FBXO38: variants seen among roughly 807,000 people sequenced by gnomAD.
The protein encoded by FBXO38 is F-box only protein 38.
FBXO38 carries 53 observed loss-of-function variants against 131.9 expected under a neutral mutation model. The ratio of observed to expected loss-of-function variants is 0.40; its 90% confidence interval spans 0.32 to 0.51. The LOEUF (loss-of-function observed/expected upper bound fraction) is 0.51, where lower values mean the gene tolerates loss of function less well. FBXO38 is among the 20% of genes least tolerant of loss of function. FBXO38 has a pLI of 0.53. For synonymous variants in FBXO38, 452 were observed against 505.6 expected (o/e 0.89, Z 1.42); for missense variants, 1,076 against 1,475.6 (o/e 0.73, Z 4.44).
chr5:148,427,630 A>G lies in FBXO38; in HGVS notation c.2336A>G (p.His779Arg), dbSNP rs1394783707. The change falls in exon 15 of 22, where the codon CAC becomes CGC. Residue 779 changes from histidine to arginine, a missense_variant. By Grantham distance (29) the His-to-Arg change is conservative (BLOSUM62 0). Around this residue, in one of 8 missense-constraint regions of FBXO38, gnomAD observed 213 missense variants for 225.2 expected, o/e 0.95. Transcript: ENST00000340253. ...ESSVCPRCCCHRPQESQRRTS... is the reference protein window; with the variant it reads ...ESSVCPRCCCRRPQESQRRTS... ...TCTGTCTGCCCCAGATGCTGCTGTC[A>G]CAGGCCCCAGGAATCCCAAAGGAGA... 6.2e-7 allele frequency: 1 copy of G among 1,614,210 alleles called. No individual in the cohort carries two copies. Among genetic ancestry groups the G allele is most frequent in the East Asian group, 2.2e-5 (1 of 44,870 alleles).
chr5:148,437,039 A>G (rs1754383222), intron 17 of FBXO38, among the ~76,000 whole-genome samples: 1 of 152,240 alleles, frequency 6.6e-6, no homozygotes, highest in Non-Finnish European at 1.5e-5. Flanking sequence ...GCCAGTCGGC[A>G]TCTCGTTCCA....
chr5:148,440,046 A>T (rs1010337353), intron 19 of FBXO38, among the ~76,000 whole-genome samples: 4 of 152,194 alleles, frequency 2.6e-5, no homozygotes, highest in Non-Finnish European at 4.4e-5. Context: ...TTGTAACATT[A>T]TTTAGCCTTG....
chr5:148,390,987 CAT>C (rs1361906745), intron 1 of FBXO38, among the ~76,000 whole-genome samples: 1 of 152,202 alleles, frequency 6.6e-6, no homozygotes, highest in Admixed American at 6.5e-5. Flanking sequence ...TAAAGCTGAA[CAT>C]GTGCTAAAGT....
intron 14 of FBXO38, 46 bp from the exon 15 acceptor site, chr5:148,427,167 G>A: frequency 6.5e-7 from 1 of 1,533,828 alleles, no homozygotes. Context: ...AATTTATACT[G>A]AAATCTTTTC....
intron 2 of FBXO38, among the ~76,000 whole-genome samples, chr5:148,396,198 G>T (rs1007190254): frequency 6.6e-6 from 1 of 151,592 alleles, no homozygotes; most frequent in African/African-American, 2.4e-5. Flanking sequence ...TTTTTTTACA[G>T]AACAAAATGA....
chr5:148,410,380 C>T, intron 8 of FBXO38: 2 of 474,354 alleles, frequency 4.2e-6, no homozygotes, highest in South Asian at 2.7e-5. Flanking sequence ...CTTTTTTTGC[C>T]TGCTGCCATC....
intron 10 of FBXO38, among the ~76,000 whole-genome samples, chr5:148,414,874 G>T (rs1263399100): frequency 6.6e-6 from 1 of 152,046 alleles, no homozygotes; most frequent in East Asian, 1.9e-4. Flanking sequence ...TTTTCTTAAA[G>T]GCCCTTCTTA....
chr5:148,426,221 ACTT>A (rs1459566640), intron 14 of FBXO38, among the ~76,000 whole-genome samples: 1 of 152,204 alleles, frequency 6.6e-6, no homozygotes, highest in East Asian at 1.9e-4. Context: ...TGAAGTTCAT[ACTT>A]CTTCCTTGTC....
intron 10 of FBXO38, 109 bp from the exon 11 acceptor site, chr5:148,415,819 G>T: frequency 8.5e-7 from 1 of 1,177,030 alleles, no homozygotes; most frequent in Non-Finnish European, 1.2e-6. Context: ...AAAAGGAAAA[G>T]TTATTTTAAA....
At chr5:148,422,721 G>T (rs1753510240) in intron 12 of FBXO38, among the ~76,000 whole-genome samples, 1 of 152,160 alleles carries the variant, frequency 6.6e-6, no homozygotes, top group Non-Finnish European at 1.5e-5. Context: ...GGCTATTCTG[G>T]CAACCTAAAA....
rs1281251888 is a variant in FBXO38, at chr5:148,427,642, A to G, written c.2348A>G (p.Glu783Gly). 1.2e-6 allele frequency: 2 copies of G among 1,614,078 alleles called. No homozygotes were observed. Among genetic ancestry groups the G allele is most frequent in the Non-Finnish European group, 1.7e-6 (2 of 1,180,032 alleles). Residue 783 changes from glutamate (E) to glycine (G), a missense_variant, in exon 15 of 22, where the codon GAA becomes GGA. Coordinates refer to ENST00000340253, the MANE Select transcript of FBXO38 (RefSeq NM_205836.3). The part of the protein sequence containing the change: ...CPRCCCHRPQ[E>G]SQRRTSRCSD... ...AGATGCTGCTGTCACAGGCCCCAGG[A>G]ATCCCAAAGGAGAACTAGCAGGTGT...
chr5:148,393,188 G>GTGTGTGT (rs1554077288), intron 1 of FBXO38, among the ~76,000 whole-genome samples: 1 of 127,036 alleles, frequency 7.9e-6, no homozygotes, highest in African/African-American at 3.1e-5. Flanking sequence ...ACAGAAGAGG[G>GTGTGTGT]GTGTGTGTGT....
At chr5:148,420,991 G>C (rs1447312888) in intron 12 of FBXO38, among the ~76,000 whole-genome samples, 2 of 150,726 alleles carry the variant, frequency 1.3e-5, no homozygotes, top group African/African-American at 4.9e-5. Flanking sequence ...TCTTGAGACA[G>C]AGTCTCACTC....
At chr5:148,410,008 G>T (rs886112942) in intron 8 of FBXO38, among the ~76,000 whole-genome samples, 1 of 152,146 alleles carries the variant, frequency 6.6e-6, no homozygotes, top group Non-Finnish European at 1.5e-5. Flanking sequence ...ATTCTTACCT[G>T]TAATTAATTG....
Position 148,431,271 on chromosome 5 carries a change from C to CT in FBXO38, c.2654-2152dup, listed in dbSNP as rs1367553278. Among the ~76,000 whole-genome samples the CT allele has an allele frequency of 5.3e-5, 8 of 152,304 alleles. No homozygotes were observed. In the East Asian group the frequency reaches 1.5e-3, roughly 29 times the overall value. On this transcript the variant is annotated intron_variant, in intron 15 of 21. Transcript: ENST00000340253. ...TGTTCCTAAACAAAATTAATTGTCT[C>CT]TAAACAGGGAGGGAGGCATAAGAGA...
rs192869631 is a variant in FBXO38 at position 148,387,028 on chromosome 5, G to A, written c.-64+2989G>A. On this transcript the variant is annotated intron_variant, in intron 1 of 21. Transcript: ENST00000340253. ...ATCAGGGTGGTGGTTGCAGAACATT[G>A]GGGTGGCTTGGCAGTTTCTTAGGAC... 9.9e-5 allele frequency among the ~76,000 whole-genome samples: 15 copies of A among 152,188 alleles called. No individual in the cohort carries two copies. In the East Asian group the frequency reaches 2.7e-3, roughly 27 times the overall value.
chr5:148,394,958 G>A, intron 2 of FBXO38, 54 bp downstream of exon 2: 3 of 1,459,820 alleles, frequency 2.1e-6, no homozygotes, highest in Non-Finnish European at 2.7e-6. Context: ...AGCAAACCCT[G>A]AGGCAGTGCT....
In FBXO38 at chr5:148,425,158, T is replaced by C. The variant is rs1014551683; in HGVS notation, c.1739-364T>C. On this transcript the variant is annotated intron_variant, in intron 13 of 21. Coordinates refer to ENST00000340253, the MANE Select transcript of FBXO38 (RefSeq NM_205836.3). Reference sequence around the variant, plus strand: ...ATATGTTTGAAAAATTGAGAAAATATATAGCTTAGTTTTAAAATTATTATC... The same window carrying C: ...ATATGTTTGAAAAATTGAGAAAATACATAGCTTAGTTTTAAAATTATTATC... Among the ~76,000 whole-genome samples, 3 of 152,342 alleles carry C rather than the reference T, an allele frequency of 2.0e-5. No individual in the cohort carries two copies. In the South Asian group the frequency reaches 6.2e-4, roughly 32 times the overall value.
At position 148,440,342 on chromosome 5, in the gene FBXO38, AC is replaced by A. The variant is rs1754604421; in HGVS notation, c.3171-81del. On this transcript the variant is annotated intron_variant, in intron 19 of 21. Transcript: ENST00000340253. The stretch of plus-strand genomic sequence containing the variant: ...ATGTTCGGTAGAATCTGTGTCCGAA[AC>A]AGTTTTGATGGTTCCTTCCTACCCG... 4 of 827,530 alleles carry A rather than the reference AC, an allele frequency of 4.8e-6. No homozygotes were observed. The East Asian group carries it at 1.0e-4, about 21-fold the overall frequency. 51.3% of individuals were successfully genotyped at this position (827,530 alleles called of 1,614,324 possible). A position where few individuals can be genotyped will look rare whatever the true frequency, so the allele number is the denominator to read the frequency against.
Sources: gnomAD v4.1 joint callset for allele counts (sites outside exome capture counted in the v4.1 genomes callset) on GRCh38, gnomAD v4.1.1 for gene constraint, gnomAD v4.1.1 regional missense constraint, MANE v1.5 for transcripts, NCBI Gene and HGNC (gene_info 2026-07-23, HGNC 2026-07-21) for gene names.